The following SLIT3 variants were observed in gnomAD, a reference collection of about 807,000 sequenced individuals.
The protein encoded by SLIT3 is slit homolog 3 protein.
In SLIT3, 68 loss-of-function variants were observed where a neutral mutation model predicts 184.0. The observed-to-expected ratio is 0.37, with a 90% CI of 0.30 to 0.45. The LOEUF (loss-of-function observed/expected upper bound fraction) is 0.45. Ranked by LOEUF, SLIT3 falls within the 20% of genes least tolerant of loss-of-function variation. The probability of loss-of-function intolerance (pLI) is 1.00; values close to 1 mark genes in which losing one functional copy is unlikely to be tolerated. For missense variants in SLIT3, 1,707 were observed against 2,026.0 expected, an observed-to-expected ratio of 0.84 and a Z score of 3.02; for synonymous variants, 831 against 828.6, an observed-to-expected ratio of 1.00 and a Z score of -0.05.
intron 4 of SLIT3, among the ~76,000 whole-genome samples, chr5:168,938,584 T>C (rs567521823): frequency 6.1e-4 from 93 of 152,302 alleles, no homozygotes; most frequent in Admixed American, 2.7e-3. Context: ...AGTGATTTTA[T>C]TTTGAATCTC....
At chr5:168,864,042 C>CAAAA (rs34983916) in intron 5 of SLIT3, among the ~76,000 whole-genome samples, 1 of 98,136 alleles carries the variant, frequency 1.0e-5, no homozygotes, top group East Asian at 2.6e-4. Context: ...TAAAAAAATA[C>CAAAA]AAAAAAAAAA....
chr5:168,864,279 C>T (rs1214456593), intron 5 of SLIT3, among the ~76,000 whole-genome samples: 2 of 152,120 alleles, frequency 1.3e-5, no homozygotes, highest in East Asian at 1.9e-4. Flanking sequence ...CCATCTGCAC[C>T]TAGTTTTCTC....
chr5:169,273,435 G>T (rs920626708), intron 1 of SLIT3, among the ~76,000 whole-genome samples: 16 of 152,132 alleles, frequency 1.1e-4, no homozygotes, highest in African/African-American at 3.6e-4. Flanking sequence ...CTCTGAAATT[G>T]CCCAGGAGAA....
chr5:169,250,093 G>C (rs148792390), intron 2 of SLIT3, among the ~76,000 whole-genome samples: 1 of 152,244 alleles, frequency 6.6e-6, no homozygotes, highest in African/African-American at 2.4e-5. Flanking sequence ...AAAGCACAGA[G>C]TCTAGGTTCC....
intron 4 of SLIT3, among the ~76,000 whole-genome samples, chr5:169,015,931 AACACAC>A (rs3138760): frequency 0.086 from 10,330 of 120,130 alleles, 422 homozygotes; most frequent in Middle Eastern, 0.13. Context: ...GAAAAATATA[AACACAC>A]ACACACACAC....
intron 4 of SLIT3, among the ~76,000 whole-genome samples, chr5:168,969,386 C>A (rs537694701): frequency 6.6e-6 from 1 of 152,128 alleles, no homozygotes; most frequent in South Asian, 2.1e-4. Context: ...GCCTACTGCC[C>A]GGGAGTCAGC....
At chr5:168,708,242 A>G in intron 25 of SLIT3, 142 bp from the exon 26 acceptor site, 1 of 1,077,340 alleles carries the variant, frequency 9.3e-7, no homozygotes, top group Non-Finnish European at 1.4e-6. Flanking sequence ...GGCTCTCCTC[A>G]GCCAGCACAT....
chr5:168,853,103 T>C (rs191874913), intron 5 of SLIT3, among the ~76,000 whole-genome samples: 1 of 152,312 alleles, frequency 6.6e-6, no homozygotes, highest in Admixed American at 6.5e-5. Flanking sequence ...TCTTCTTCCA[T>C]CCCAGACCAA....
intron 1 of SLIT3, among the ~76,000 whole-genome samples, chr5:169,262,768 G>A (rs1334279215): frequency 6.6e-6 from 1 of 152,112 alleles, no homozygotes; most frequent in Non-Finnish European, 1.5e-5. Context: ...CATGTATTGA[G>A]CACCTATCAG....
chr5:169,016,879 T>G (rs891709776), intron 4 of SLIT3, among the ~76,000 whole-genome samples: 1 of 152,202 alleles, frequency 6.6e-6, no homozygotes, highest in African/African-American at 2.4e-5. Flanking sequence ...GTTTGTATCA[T>G]TTTTACACAT....
chr5:169,109,541 T>C (rs1760336915), intron 4 of SLIT3, among the ~76,000 whole-genome samples: 1 of 152,244 alleles, frequency 6.6e-6, no homozygotes, highest in African/African-American at 2.4e-5. Context: ...AAATGTGTGT[T>C]GTTTTAAGCT....
In SLIT3 at chr5:168,966,412, T is replaced by C. The variant is rs569352247; in HGVS notation, c.414-83076A>G. On this transcript the variant is annotated intron_variant, in intron 4 of 35. Transcript: ENST00000519560. The stretch of plus-strand genomic sequence containing the variant: ...CAAAGCTTTGGGACTTTGCTTGGAA[T>C]TGAAGGGGCAGCCTGGGTCAGGGCA... Among the ~76,000 whole-genome samples the C allele has an allele frequency of 3.9e-5, 6 of 152,148 alleles. No individual in the cohort carries two copies. In the East Asian group the frequency reaches 1.2e-3, roughly 29 times the overall value.
At chr5:169,254,103 G>A (rs114848660) in intron 1 of SLIT3, among the ~76,000 whole-genome samples, 3,297 of 151,188 alleles carry the variant, frequency 0.022, 54 homozygotes, top group Non-Finnish European at 0.035. Flanking sequence ...ACACAGCTGG[G>A]TCTGGGTGAG....
chr5:169,257,878 T>A lies in SLIT3; in HGVS notation c.198-6419A>T, dbSNP rs558063764. Among the ~76,000 whole-genome samples the A allele has an allele frequency of 7.9e-5, 12 of 151,742 alleles. No homozygotes were observed. In the South Asian group the frequency reaches 1.5e-3, roughly 18 times the overall value. ...CCTTCCATGCTTTCTTCTTCTTCTC[T>A]TTGCAACAGTTCTGAAAGGTAGGTA... On this transcript the variant is annotated intron_variant, in intron 1 of 35. Transcript: ENST00000519560.
At position 169,220,081 on chromosome 5, in the gene SLIT3, TG is replaced by T. The variant is rs201475124; in HGVS notation, c.341+24623del. ...CCCCCAGTTCTCCAGCAGTGTCTCCTGGCTCCCCTCTTTAGACCCAGCACCA... is the reference window on the plus strand; with the variant it reads ...CCCCCAGTTCTCCAGCAGTGTCTCCTGCTCCCCTCTTTAGACCCAGCACCA... On this transcript the variant is annotated intron_variant, in intron 3 of 35. Coordinates refer to ENST00000519560, the MANE Select transcript of SLIT3 (RefSeq NM_003062.4). Among the ~76,000 whole-genome samples the T allele has an allele frequency of 9.4e-3, 1,426 of 152,228 alleles. 14 individuals are homozygous for T. Among genetic ancestry groups the T allele is most frequent in the Non-Finnish European group, 0.016 (1,083 of 68,004 alleles).
chr5:168,798,704 T>A (rs1160550160), intron 9 of SLIT3, among the ~76,000 whole-genome samples: 1 of 152,068 alleles, frequency 6.6e-6, no homozygotes, highest in Non-Finnish European at 1.5e-5. Flanking sequence ...TTGTGTACCT[T>A]CAATGTAAAG....
chr5:169,118,543 G>C (rs185061118), intron 4 of SLIT3, among the ~76,000 whole-genome samples: 1 of 152,162 alleles, frequency 6.6e-6, no homozygotes. Flanking sequence ...AGGCAGGACC[G>C]AGTCAAGACC....
chr5:168,913,912 C>T lies in SLIT3; in HGVS notation c.414-30576G>A, dbSNP rs1010112072. Among the ~76,000 whole-genome samples the T allele has an allele frequency of 8.6e-4, 131 of 152,162 alleles. 1 individual carries two copies. The highest frequency in any genetic ancestry group is 2.9e-3 in the African/African-American group (121 of 41,498). ...GTTTATGCATATACTGGTATATATA[C>T]GTATTATTTAAAATAAGCACAATTA... On this transcript the variant is annotated intron_variant, in intron 4 of 35. Transcript: ENST00000519560.
At chr5:169,034,751 T>A (rs1757165904) in intron 4 of SLIT3, among the ~76,000 whole-genome samples, 1 of 151,706 alleles carries the variant, frequency 6.6e-6, no homozygotes. Flanking sequence ...CTATGATTTT[T>A]TTTTTTTTTT....
Sources: allele counts gnomAD v4.1 joint callset (sites outside exome capture counted in the v4.1 genomes callset), GRCh38; gene constraint gnomAD v4.1.1; transcripts MANE v1.5; gene names NCBI Gene and HGNC (gene_info 2026-07-23, HGNC 2026-07-21).